The following GMDS variants were observed in gnomAD, a reference collection of about 807,000 sequenced individuals.
GMDS encodes GDP-mannose 4,6 dehydratase.
GMDS carries 20 observed loss-of-function variants against 49.9 expected under a neutral mutation model. That is an observed-to-expected ratio of 0.40 (90% CI 0.28 to 0.58). The LOEUF (loss-of-function observed/expected upper bound fraction) is 0.58, where lower values mean the gene tolerates loss of function less well. GMDS is among the 20% of genes least tolerant of loss of function. GMDS has a pLI of 0.42. For missense variants in GMDS, 362 were observed against 481.4 expected, an observed-to-expected ratio of 0.75 and a Z score of 2.32; for synonymous variants, 177 against 178.6, an observed-to-expected ratio of 0.99 and a Z score of 0.07.
intron 9 of GMDS, among the ~76,000 whole-genome samples, chr6:1,636,869 C>T (rs1338395797): frequency 6.6e-6 from 1 of 152,260 alleles, no homozygotes; most frequent in Admixed American, 6.5e-5. Context: ...GAGGCCTAGG[C>T]CTGGCCCTGT....
At chr6:2,198,588 A>T (rs1286425035) in intron 1 of GMDS, among the ~76,000 whole-genome samples, 1 of 152,194 alleles carries the variant, frequency 6.6e-6, no homozygotes, top group Admixed American at 6.5e-5. Context: ...AGAATTAAGC[A>T]ATAAAGAAAA....
At chr6:1,915,612 G>A (rs1320849362) in intron 7 of GMDS, among the ~76,000 whole-genome samples, 3 of 152,204 alleles carry the variant, frequency 2.0e-5, no homozygotes, top group African/African-American at 7.2e-5. Flanking sequence ...TCTCAGAAAG[G>A]CGACTCTGGC....
intron 6 of GMDS, among the ~76,000 whole-genome samples, chr6:1,933,260 A>G (rs527890952): frequency 1.3e-5 from 2 of 152,336 alleles, no homozygotes; most frequent in South Asian, 4.1e-4. Context: ...TGTATATACC[A>G]AATTTTATTT....
chr6:2,152,179 A>G (rs755960207), intron 1 of GMDS, among the ~76,000 whole-genome samples: 4 of 152,300 alleles, frequency 2.6e-5, no homozygotes, highest in Admixed American at 2.0e-4. Flanking sequence ...AATGATGTTT[A>G]AAGTCCTTTA....
At chr6:1,856,279 T>C (rs1757935277) in intron 7 of GMDS, among the ~76,000 whole-genome samples, 1 of 152,212 alleles carries the variant, frequency 6.6e-6, no homozygotes, top group Non-Finnish European at 1.5e-5. Context: ...CTCTTTATAA[T>C]TCACACAGGC....
chr6:2,127,179 T>C (rs1775497415), intron 1 of GMDS, among the ~76,000 whole-genome samples: 2 of 152,210 alleles, frequency 1.3e-5, no homozygotes, highest in African/African-American at 2.4e-5. Context: ...AATGTTATTA[T>C]AGGATAATCA....
At chr6:1,848,267 A>G (rs144257975) in intron 7 of GMDS, among the ~76,000 whole-genome samples, 149 of 152,166 alleles carry the variant, frequency 9.8e-4, no homozygotes, top group Admixed American at 1.8e-3. Flanking sequence ...GCCTCTGCTC[A>G]TGGCCCTGTT....
chr6:1,817,833 C>A (rs1770733501), intron 7 of GMDS, among the ~76,000 whole-genome samples: 1 of 152,050 alleles, frequency 6.6e-6, no homozygotes, highest in Non-Finnish European at 1.5e-5. Flanking sequence ...TGGTTAACAG[C>A]AGGAAAAGCA....
At chr6:1,732,093 C>T (rs773157369) in intron 8 of GMDS, among the ~76,000 whole-genome samples, 41 of 152,076 alleles carry the variant, frequency 2.7e-4, no homozygotes, top group African/African-American at 7.2e-4. Flanking sequence ...TTTGGGAGGC[C>T]GAGGCATGTG....
At chr6:1,915,564 C>T (rs748673785) in intron 7 of GMDS, among the ~76,000 whole-genome samples, 1 of 152,170 alleles carries the variant, frequency 6.6e-6, no homozygotes, top group Non-Finnish European at 1.5e-5. Context: ...ATGGTGGAGA[C>T]AGTGATGGTT....
At chr6:1,922,164 A>G (rs1761747066) in intron 7 of GMDS, among the ~76,000 whole-genome samples, 1 of 152,224 alleles carries the variant, frequency 6.6e-6, no homozygotes, top group Non-Finnish European at 1.5e-5. Context: ...TATCCTCTGC[A>G]CGTAGTTACA....
At chr6:1,888,301 G>A (rs1458617532) in intron 7 of GMDS, among the ~76,000 whole-genome samples, 1 of 152,008 alleles carries the variant, frequency 6.6e-6, no homozygotes, top group Non-Finnish European at 1.5e-5. Flanking sequence ...TCACAGTTCA[G>A]CAAGGCTGGG....
At chr6:1,988,496 G>A (rs1201534251) in intron 4 of GMDS, among the ~76,000 whole-genome samples, 2 of 152,114 alleles carry the variant, frequency 1.3e-5, no homozygotes, top group East Asian at 1.9e-4. Flanking sequence ...AACCCAGGGT[G>A]CTCCAGAGTG....
intron 7 of GMDS, among the ~76,000 whole-genome samples, chr6:1,748,226 T>A (rs1315129516): frequency 2.0e-5 from 3 of 152,240 alleles, no homozygotes; most frequent in Non-Finnish European, 2.9e-5. Flanking sequence ...TGAATCAGTT[T>A]TCTAGGATAT....
At chr6:2,127,585 C>A (rs1055647148) in intron 1 of GMDS, among the ~76,000 whole-genome samples, 1 of 152,234 alleles carries the variant, frequency 6.6e-6, no homozygotes, top group African/African-American at 2.4e-5. Flanking sequence ...ACATTCTGAA[C>A]CAGTAGTGGC....
At chr6:2,183,393 T>A (rs1778642327) in intron 1 of GMDS, among the ~76,000 whole-genome samples, 1 of 152,176 alleles carries the variant, frequency 6.6e-6, no homozygotes, top group African/African-American at 2.4e-5. Flanking sequence ...AAGACTGCCA[T>A]GGAGGAAGAA....
At chr6:1,839,981 T>C (rs1489337699) in intron 7 of GMDS, among the ~76,000 whole-genome samples, 1 of 152,216 alleles carries the variant, frequency 6.6e-6, no homozygotes, top group Non-Finnish European at 1.5e-5. Flanking sequence ...AGGTATGATT[T>C]GGGAAGTGTA....
intron 1 of GMDS, among the ~76,000 whole-genome samples, chr6:2,152,827 T>C (rs1776906961): frequency 6.6e-5 from 10 of 152,192 alleles, no homozygotes; most frequent in Admixed American, 6.5e-4. Flanking sequence ...ATAAAAATTA[T>C]GTATTATGAA....
intron 5 of GMDS, 103 bp from the exon 6 acceptor site, chr6:1,960,074 C>T (rs1015652340): frequency 6.9e-6 from 4 of 579,704 alleles, no homozygotes; most frequent in Non-Finnish European, 9.2e-6. Flanking sequence ...ACTTGTAATG[C>T]ATCCAAATAC....
Sources: gnomAD v4.1 joint callset for allele counts (sites outside exome capture counted in the v4.1 genomes callset) on GRCh38, gnomAD v4.1.1 for gene constraint, MANE v1.5 for transcripts, NCBI Gene and HGNC (gene_info 2026-07-23, HGNC 2026-07-21) for gene names.